The following SMOC1 variants were observed in gnomAD, a reference collection of about 807,000 sequenced individuals.
The protein encoded by SMOC1 is SPARC-related modular calcium-binding protein 1.
In SMOC1, 22 loss-of-function variants were observed where a neutral mutation model predicts 56.3. The ratio of observed to expected loss-of-function variants is 0.39; its 90% CI spans 0.28 to 0.56. SMOC1 has a LOEUF of 0.56. Among genes scored for constraint, SMOC1 ranks in the 20% least tolerant of loss-of-function variants. The pLI is 0.61. For missense variants in SMOC1, 509 were observed against 565.4 expected (o/e 0.90, Z 1.01); for synonymous variants, 193 against 215.0 (o/e 0.90, Z 0.89).
intron 3 of SMOC1, among the ~76,000 whole-genome samples, chr14:69,971,453 C>T (rs894820340): frequency 3.9e-5 from 6 of 152,164 alleles, no homozygotes; most frequent in African/African-American, 1.2e-4. Context: ...TAGGATGCTT[C>T]GGAGTGGGAT....
At chr14:69,970,817 G>C (rs116652899) in intron 3 of SMOC1, among the ~76,000 whole-genome samples, 14 of 152,304 alleles carry the variant, frequency 9.2e-5, no homozygotes, top group African/African-American at 3.4e-4. Context: ...CCTTCCAGGT[G>C]TTCAGAATTT....
intron 9 of SMOC1, 107 bp downstream of exon 9, chr14:70,011,674 G>C: frequency 1.9e-6 from 2 of 1,075,188 alleles, no homozygotes; most frequent in South Asian, 1.3e-5. Context: ...CCATGTGTAA[G>C]ATGGAGCCAG....
chr14:69,967,431 C>G (rs568124896), intron 3 of SMOC1, among the ~76,000 whole-genome samples: 1 of 152,162 alleles, frequency 6.6e-6, no homozygotes, highest in South Asian at 2.1e-4. Flanking sequence ...TGAGGCCCAA[C>G]ACAAATTCGT....
chr14:70,019,180 G>C (rs143297653), intron 10 of SMOC1, among the ~76,000 whole-genome samples: 51 of 152,340 alleles, frequency 3.3e-4, no homozygotes, highest in African/African-American at 1.1e-3. Flanking sequence ...CTTGGGGCCA[G>C]TTTGGGGAGG....
intron 3 of SMOC1, among the ~76,000 whole-genome samples, chr14:69,972,699 GAA>G (rs1883811474): frequency 6.6e-6 from 1 of 152,196 alleles, no homozygotes; most frequent in African/African-American, 2.4e-5. Flanking sequence ...CACTCAGTGA[GAA>G]TGTGGCCCTT....
chr14:69,898,058 CT>C (rs1884143481), intron 1 of SMOC1, among the ~76,000 whole-genome samples: 1 of 152,164 alleles, frequency 6.6e-6, no homozygotes, highest in Non-Finnish European at 1.5e-5. Flanking sequence ...ATACGGAATT[CT>C]AGGTTGATGA....
chr14:69,897,064 G>A (rs1884118124), intron 1 of SMOC1, among the ~76,000 whole-genome samples: 1 of 152,206 alleles, frequency 6.6e-6, no homozygotes, highest in Non-Finnish European at 1.5e-5. Context: ...TCAGGCTAGT[G>A]ACTGTTCGAT....
At chr14:69,978,328 C>A (rs994001260) in intron 5 of SMOC1, among the ~76,000 whole-genome samples, 3 of 152,196 alleles carry the variant, frequency 2.0e-5, no homozygotes, top group Non-Finnish European at 4.4e-5. Flanking sequence ...CAAGTCTGCC[C>A]TTGGCTCTCT....
intron 11 of SMOC1, among the ~76,000 whole-genome samples, chr14:70,023,958 G>T (rs1486349399): frequency 2.0e-5 from 3 of 151,978 alleles, no homozygotes; most frequent in Admixed American, 1.3e-4. Context: ...AGGTTACTCT[G>T]GGGGTCATCT....
chr14:69,999,153 G>A (rs982683386), intron 7 of SMOC1, among the ~76,000 whole-genome samples: 1 of 152,218 alleles, frequency 6.6e-6, no homozygotes, highest in Non-Finnish European at 1.5e-5. Context: ...CACCTTACCT[G>A]TCACAGGTAA....
chr14:69,912,246 A>G (rs558785162), intron 1 of SMOC1, among the ~76,000 whole-genome samples: 11 of 152,190 alleles, frequency 7.2e-5, no homozygotes, highest in South Asian at 4.2e-4. Flanking sequence ...ATGAGGCACA[A>G]TTTCCTTTTC....
intron 1 of SMOC1, among the ~76,000 whole-genome samples, chr14:69,923,537 A>G (rs75599459): frequency 0.023 from 3,471 of 152,088 alleles, 132 homozygotes; most frequent in African/African-American, 0.08. Flanking sequence ...GTTCTCTCTC[A>G]GTGCGGGACA....
At chr14:70,025,291 C>G (rs570167869) in intron 11 of SMOC1, among the ~76,000 whole-genome samples, 32 of 152,260 alleles carry the variant, frequency 2.1e-4, no homozygotes, top group African/African-American at 7.5e-4. Flanking sequence ...GATAAAAAGG[C>G]CTTTTCCTTG....
At chr14:69,981,518 G>C (rs560452140) in intron 5 of SMOC1, among the ~76,000 whole-genome samples, 1 of 152,092 alleles carries the variant, frequency 6.6e-6, no homozygotes, top group Non-Finnish European at 1.5e-5. Flanking sequence ...AAAGAGAGAC[G>C]TGTGTGTGTT....
chr14:69,908,886 G>A (rs1018070190), intron 1 of SMOC1, among the ~76,000 whole-genome samples: 4 of 152,116 alleles, frequency 2.6e-5, no homozygotes, highest in African/African-American at 9.7e-5. Flanking sequence ...TCTGGGGTGT[G>A]GGGGTGTGTG....
intron 1 of SMOC1, among the ~76,000 whole-genome samples, chr14:69,910,341 T>C (rs867150021): frequency 6.6e-6 from 1 of 152,230 alleles, no homozygotes; most frequent in African/African-American, 2.4e-5. Context: ...TGCTTTCCAA[T>C]GTACCATGCT....
intron 1 of SMOC1, among the ~76,000 whole-genome samples, chr14:69,933,254 T>G (rs945617476): frequency 6.6e-6 from 1 of 152,250 alleles, no homozygotes; most frequent in Non-Finnish European, 1.5e-5. Flanking sequence ...AGTATTTTAT[T>G]TATTTTCAGA....
chr14:69,967,838 C>T (rs1435537061), intron 3 of SMOC1, among the ~76,000 whole-genome samples: 1 of 152,166 alleles, frequency 6.6e-6, no homozygotes, highest in African/African-American at 2.4e-5. Flanking sequence ...CCCTTCTACT[C>T]CTGTTGCTTC....
intron 1 of SMOC1, among the ~76,000 whole-genome samples, chr14:69,931,747 C>T (rs918823081): frequency 4.6e-5 from 7 of 152,046 alleles, no homozygotes; most frequent in African/African-American, 1.4e-4. Flanking sequence ...GGGGATGTGG[C>T]GGTGGCAGCT....
Sources: gnomAD v4.1 joint callset for allele counts (sites outside exome capture counted in the v4.1 genomes callset) on GRCh38, gnomAD v4.1.1 for gene constraint, MANE v1.5 for transcripts, NCBI Gene and HGNC (gene_info 2026-07-23, HGNC 2026-07-21) for gene names.